The following TRPC1 variants were observed in gnomAD, a reference collection of about 807,000 sequenced individuals.
The protein encoded by TRPC1 is transient receptor potential cation channel subfamily C member 1, also known as short transient receptor potential channel 1.
Under a neutral mutation model 88.2 loss-of-function variants are expected in TRPC1, and 42 were observed. The observed-to-expected ratio is 0.48, with a 90% CI of 0.37 to 0.62. TRPC1 has a LOEUF of 0.62. Ranked by LOEUF, TRPC1 falls within the 20% of genes least tolerant of loss-of-function variation. The probability of loss-of-function intolerance (pLI) is 0.00; values close to 1 mark genes in which losing one functional copy is unlikely to be tolerated. For synonymous variants in TRPC1, 288 were observed against 331.8 expected, an observed-to-expected ratio of 0.87 and a Z score of 1.43; for missense variants, 699 against 957.3, an observed-to-expected ratio of 0.73 and a Z score of 3.56.
intron 1 of TRPC1, among the ~76,000 whole-genome samples, chr3:142,733,058 G>T (rs1428235649): frequency 6.6e-6 from 1 of 151,740 alleles, no homozygotes; most frequent in Non-Finnish European, 1.5e-5. Flanking sequence ...GTTTCCTGTA[G>T]GTTCTGTGAC....
At chr3:142,779,451 A>G (rs977007346) in intron 5 of TRPC1, among the ~76,000 whole-genome samples, 3 of 152,218 alleles carry the variant, frequency 2.0e-5, no homozygotes, top group Non-Finnish European at 4.4e-5. Context: ...ATGTTTATCC[A>G]AAGATGGAAT....
In TRPC1 at chr3:142,806,895, A is replaced by C. The variant is rs1202827791; in HGVS notation, c.*660A>C. ...ATATTTTTAATGTTTTTTTCACTTA[A>C]TATTTTATATATACATTTCCATGTA... is the stretch of plus-strand genomic sequence containing the variant. On this transcript the variant is annotated 3_prime_UTR_variant, in exon 13 of 13. Coordinates refer to ENST00000476941, the MANE Select transcript of TRPC1 (RefSeq NM_001251845.2). 1 of 151,790 alleles carries C rather than the reference A, an allele frequency of 6.6e-6. No individual in the cohort carries two copies. The highest frequency in any genetic ancestry group is 1.5e-5 in the Non-Finnish European group (1 of 67,924). 9.4% of individuals were successfully genotyped at this position (151,790 alleles called of 1,614,324 possible).
Position 142,724,341 on chromosome 3 carries a change from C to T in TRPC1, c.-219C>T. 1 of 359,164 alleles carries T rather than the reference C, an allele frequency of 2.8e-6. No homozygotes were observed. Among genetic ancestry groups the T allele is most frequent in the Non-Finnish European group, 4.9e-6 (1 of 204,024 alleles). 22.2% of individuals were successfully genotyped at this position (359,164 alleles called of 1,614,324 possible). ...GGGGAGGGGTCGCTGGCCCCGGGGC[C>T]GCGCATGCGCCGCCACCAACTTGGG... On this transcript the variant is annotated 5_prime_UTR_variant, in exon 1 of 13. Coordinates refer to ENST00000476941, the MANE Select transcript of TRPC1 (RefSeq NM_001251845.2). The surrounding 1 kb of genome is among the most constrained non-coding windows in gnomAD (Gnocchi z 5.6).
rs1933965115 is a variant in TRPC1, at chr3:142,732,561, AT to A, written c.173-3817del. ...TATTGCAGAGTCCAGGAGGAAGATCATGGGGGTTTGGACTGTGGGTAGCAGT... is the reference window on the plus strand; with the variant it reads ...TATTGCAGAGTCCAGGAGGAAGATCAGGGGGTTTGGACTGTGGGTAGCAGT... On this transcript the variant is annotated intron_variant, in intron 1 of 12. Transcript: ENST00000476941. Among the ~76,000 whole-genome samples the A allele has an allele frequency of 4.6e-5, 7 of 152,226 alleles. No homozygotes were observed. The South Asian group carries it at 1.5e-3, about 32-fold the overall frequency.
Position 142,806,233 on chromosome 3 carries a change from T to C in TRPC1, c.2380T>C (p.Ter794GlnextTer9). 1.3e-6 allele frequency: 2 copies of C among 1,597,498 alleles called. No homozygotes were observed. Among genetic ancestry groups the C allele is most frequent in the African/African-American group, 1.3e-5 (1 of 74,606 alleles). The change falls in exon 13 of 13, where the codon TAA becomes CAA. Residue 794 changes from the stop codon to glutamine (Q), a stop_lost. Transcript: ENST00000476941. ...SKYAMFYPRN[*>Q] ...ATATGCTATGTTTTATCCAAGAAAT[T>C]AACCATTTTCTAAATCATGGAGCGA...
rs1475921713 is a variant in TRPC1 at position 142,724,813 on chromosome 3, G to C, written c.172+82G>C. On this transcript the variant is annotated intron_variant, in intron 1 of 12. Coordinates refer to ENST00000476941, the MANE Select transcript of TRPC1 (RefSeq NM_001251845.2). The surrounding 1 kb of genome is among the most constrained non-coding windows in gnomAD (Gnocchi z 5.6). ...TCTCCCCCGCCTCAACTTATATCGG[G>C]GCATTCCCTCTGTCTCAGGCGCCGA... 1.4e-6 allele frequency: 2 copies of C among 1,419,808 alleles called. No individual in the cohort carries two copies. The highest frequency in any genetic ancestry group is 5.2e-5 in the Admixed American group (2 of 38,320). 88.0% of individuals were successfully genotyped at this position (1,419,808 alleles called of 1,614,324 possible). A position where few individuals can be genotyped will look rare whatever the true frequency, so the allele number is the denominator to read the frequency against.
At position 142,724,544 on chromosome 3, in the gene TRPC1, C is replaced by G. The variant is rs756737370; in HGVS notation, c.-16C>G. The stretch of plus-strand genomic sequence containing the variant: ...CCCCGCCCCCGTCTCCTGGCCTGCC[C>G]CCTTCATGGGCCGCGATGATGGCGG... On this transcript the variant is annotated 5_prime_UTR_variant, in exon 1 of 13. Transcript: ENST00000476941. This position sits in a 1 kb window ranked among gnomAD's most constrained non-coding sequence, Gnocchi z 5.6. 2 of 1,553,542 alleles carry G rather than the reference C, an allele frequency of 1.3e-6. No individual in the cohort carries two copies. The highest frequency in any genetic ancestry group is 1.2e-5 in the South Asian group (1 of 85,040).
In TRPC1 at chr3:142,769,416, C is replaced by G. The variant is rs544079883; in HGVS notation, c.633-8216C>G. Among the ~76,000 whole-genome samples the G allele has an allele frequency of 2.0e-5, 3 of 152,170 alleles. No homozygotes were observed. The East Asian group carries it at 5.8e-4, about 29-fold the overall frequency. ...CAGTGTTGCGCAGGCTGGTCTTGAA[C>G]TACTGGCCTCAAGCAGTCTTCCCAC... On this transcript the variant is annotated intron_variant, in intron 4 of 12. Transcript: ENST00000476941.
intron 1 of TRPC1, among the ~76,000 whole-genome samples, chr3:142,735,351 T>C (rs1222162770): frequency 6.6e-6 from 1 of 152,214 alleles, no homozygotes; most frequent in East Asian, 1.9e-4. Context: ...ATCATTTCTT[T>C]TTCTATTTTC....
At chr3:142,802,028 G>T in intron 9 of TRPC1, 141 bp from the exon 10 acceptor site, 1 of 464,084 alleles carries the variant, frequency 2.2e-6, no homozygotes, top group South Asian at 6.9e-5. Flanking sequence ...TTTTTAAAAT[G>T]ATCTGTCTCA....
intron 1 of TRPC1, among the ~76,000 whole-genome samples, chr3:142,728,480 G>A (rs939692346): frequency 6.6e-6 from 1 of 152,014 alleles, no homozygotes; most frequent in East Asian, 1.9e-4. Flanking sequence ...CACCACGCCC[G>A]GCTAATTTTT....
intron 4 of TRPC1, among the ~76,000 whole-genome samples, chr3:142,753,726 C>CAAAA (rs1198639773): frequency 1.1e-5 from 1 of 87,540 alleles, no homozygotes. Context: ...GACTCTGCCT[C>CAAAA]AAAAAAAAAA....
chr3:142,805,873 TATACCATGTAGTA>T (rs1936777164), intron 12 of TRPC1, 122 bp from the exon 13 acceptor site: 2 of 688,272 alleles, frequency 2.9e-6, no homozygotes, highest in Non-Finnish European at 4.8e-6. Context: ...TGTTGAATAT[TATACCATGTAGTA>T]GAAAAACTAT....
intron 4 of TRPC1, among the ~76,000 whole-genome samples, chr3:142,766,916 T>C (rs1034797371): frequency 3.9e-5 from 6 of 152,238 alleles, no homozygotes; most frequent in African/African-American, 1.2e-4. Flanking sequence ...TAAAATCTTT[T>C]TCTTGAAAAT....
chr3:142,764,171 C>G (rs1372181496), intron 4 of TRPC1, among the ~76,000 whole-genome samples: 2 of 150,712 alleles, frequency 1.3e-5, no homozygotes, highest in Admixed American at 1.3e-4. Flanking sequence ...TTCATTTTCA[C>G]TTTTAGTTGT....
At chr3:142,789,238 T>C (rs1936223073) in intron 7 of TRPC1, among the ~76,000 whole-genome samples, 1 of 152,138 alleles carries the variant, frequency 6.6e-6, no homozygotes, top group Non-Finnish European at 1.5e-5. Flanking sequence ...ATGTTTCTGC[T>C]CCACAGCTCT....
rs141237160 is a variant in TRPC1 at position 142,733,964 on chromosome 3, G to T, written c.173-2415G>T. Among the ~76,000 whole-genome samples the T allele has an allele frequency of 1.1e-3, 162 of 152,252 alleles. 2 individuals carry two copies. Among genetic ancestry groups the T allele is most frequent in the African/African-American group, 3.8e-3 (157 of 41,552 alleles). On this transcript the variant is annotated intron_variant, in intron 1 of 12. Transcript: ENST00000476941. Reference sequence around the variant, plus strand: ...CATATGAGAACAGGTTACAAGGCCTGGAGACTGTACAAAGTGAGGAGTTGG... The same window carrying T: ...CATATGAGAACAGGTTACAAGGCCTTGAGACTGTACAAAGTGAGGAGTTGG...
At chr3:142,779,020 T>C (rs952944465) in intron 5 of TRPC1, among the ~76,000 whole-genome samples, 1 of 152,212 alleles carries the variant, frequency 6.6e-6, no homozygotes, top group African/African-American at 2.4e-5. Flanking sequence ...AATTATTCTG[T>C]TTAAATATGA....
At chr3:142,803,790 C>T (rs1936693855) in intron 10 of TRPC1, among the ~76,000 whole-genome samples, 187 bp from the exon 11 acceptor site, 1 of 152,134 alleles carries the variant, frequency 6.6e-6, no homozygotes, top group Admixed American at 6.6e-5. Flanking sequence ...ATTTATCTTC[C>T]TTAGGGTCTC....
Sources: gnomAD v4.1 joint callset for allele counts (sites outside exome capture counted in the v4.1 genomes callset) on GRCh38, gnomAD v4.1.1 for gene constraint, Gnocchi (gnomAD v3.1) non-coding constraint, MANE v1.5 for transcripts, NCBI Gene and HGNC (gene_info 2026-07-23, HGNC 2026-07-21) for gene names.